The following ZFHX4 variants were observed in gnomAD, a reference collection of about 807,000 sequenced individuals.
ZFHX4 encodes zinc finger homeobox 4.
Under a neutral mutation model 267.6 loss-of-function variants are expected in ZFHX4, and 56 were observed. The observed-to-expected ratio is 0.21, with a 90% CI of 0.17 to 0.26. The LOEUF is 0.26. ZFHX4 is among the 10% of genes least tolerant of loss of function. The pLI is 1.00. For synonymous variants in ZFHX4, 1,778 were observed against 1,665.6 expected (o/e 1.07, Z -1.64); for missense variants, 4,332 against 4,420.0 (o/e 0.98, Z 0.56).
chr8:76,817,269 G>A (rs1160350589), intron 4 of ZFHX4, among the ~76,000 whole-genome samples: 2 of 152,206 alleles, frequency 1.3e-5, no homozygotes, highest in African/African-American at 4.8e-5. Flanking sequence ...AAGTACTATT[G>A]GTACTTGCTC....
At chr8:76,850,390 G>T in intron 9 of ZFHX4, 28 bp downstream of exon 9, 4 of 1,552,544 alleles carry the variant, frequency 2.6e-6, no homozygotes, top group Non-Finnish European at 3.5e-6. Context: ...CAAGACTTGT[G>T]AACAATACGC....
intron 5 of ZFHX4, among the ~76,000 whole-genome samples, chr8:76,835,227 A>ATGTATATATATG (rs1370836150): frequency 1.7e-5 from 1 of 59,086 alleles, no homozygotes; most frequent in African/African-American, 9.3e-5. Flanking sequence ...ATGTATATAT[A>ATGTATATATATG]TATATATATA....
At chr8:76,838,163 G>T (rs1812141093) in intron 5 of ZFHX4, among the ~76,000 whole-genome samples, 1 of 152,152 alleles carries the variant, frequency 6.6e-6, no homozygotes, top group Non-Finnish European at 1.5e-5. Flanking sequence ...ACAAACAGTT[G>T]GGTTTCTTGA....
intron 1 of ZFHX4, among the ~76,000 whole-genome samples, chr8:76,694,534 A>G (rs1807903851): frequency 6.6e-6 from 1 of 152,114 alleles, no homozygotes. Flanking sequence ...GCCCATGTTG[A>G]ACGGAAGGGA....
rs1812716908 is a variant in ZFHX4, at chr8:76,856,102, C to G, written c.9181C>G (p.Gln3061Glu). 2 of 1,613,974 alleles carry G rather than the reference C, an allele frequency of 1.2e-6. No homozygotes were observed. Among genetic ancestry groups the G allele is most frequent in the Admixed American group, 3.3e-5 (2 of 60,016 alleles). Residue 3061 changes from glutamine to glutamate, a missense_variant, in exon 10 of 11, where the codon CAG becomes GAG. Gln to Glu is a conservative substitution (Grantham distance 29, BLOSUM62 2). Transcript: ENST00000651372. ...GACCACGGTTCGGCAGCTGATGGCACAGCAAGAACTTGATCGTATAAAGAA... is the reference window on the plus strand; with the variant it reads ...GACCACGGTTCGGCAGCTGATGGCAGAGCAAGAACTTGATCGTATAAAGAA... Reference protein sequence around the residue: ...APTTVRQLMAQQELDRIKKAS... With the variant: ...APTTVRQLMAEQELDRIKKAS...
chr8:76,737,426 G>A (rs1809193868), intron 3 of ZFHX4, among the ~76,000 whole-genome samples: 1 of 152,236 alleles, frequency 6.6e-6, no homozygotes, highest in African/African-American at 2.4e-5. Context: ...TATAGACTAA[G>A]ACCATGATGT....
chr8:76,716,028 T>C (rs1012100147), intron 3 of ZFHX4, among the ~76,000 whole-genome samples: 3 of 152,206 alleles, frequency 2.0e-5, no homozygotes, highest in Non-Finnish European at 4.4e-5. Context: ...AATAAAATTA[T>C]TGGAATGCAG....
intron 3 of ZFHX4, among the ~76,000 whole-genome samples, chr8:76,775,047 A>C (rs1810368715): frequency 6.6e-6 from 1 of 152,200 alleles, no homozygotes; most frequent in Non-Finnish European, 1.5e-5. Context: ...TAAATAATTT[A>C]AAAATTGATT....
intron 1 of ZFHX4, 86 bp downstream of exon 1, chr8:76,681,706 A>G (rs1189573947): frequency 1.6e-5 from 6 of 365,902 alleles, no homozygotes; most frequent in Non-Finnish European, 2.9e-5. Context: ...ATCTTGCACA[A>G]TCTTTGATAT....
At chr8:76,815,726 A>C (rs145370017) in intron 4 of ZFHX4, among the ~76,000 whole-genome samples, 5 of 152,014 alleles carry the variant, frequency 3.3e-5, no homozygotes, top group Admixed American at 1.3e-4. Flanking sequence ...TTCTTGAACT[A>C]CTGGGCTCCA....
At chr8:76,828,765 T>A (rs567069508) in intron 4 of ZFHX4, among the ~76,000 whole-genome samples, 2 of 151,924 alleles carry the variant, frequency 1.3e-5, no homozygotes, top group South Asian at 2.1e-4. Flanking sequence ...TTATGCAATT[T>A]AAAAAAAAGT....
At chr8:76,842,527 C>A in intron 5 of ZFHX4, 128 bp from the exon 6 acceptor site, 1 of 628,688 alleles carries the variant, frequency 1.6e-6, no homozygotes, top group Non-Finnish European at 2.7e-6. Flanking sequence ...AATTTGTGTT[C>A]TCATTTGAGT....
intron 9 of ZFHX4, 36 bp downstream of exon 9, chr8:76,850,398 C>T (rs777613104): frequency 4.4e-5 from 66 of 1,502,528 alleles, no homozygotes; most frequent in South Asian, 3.7e-4. Context: ...GTGAACAATA[C>T]GCTTAGGGGC....
intron 4 of ZFHX4, among the ~76,000 whole-genome samples, chr8:76,782,438 AGC>A (rs1388087978): frequency 6.6e-6 from 1 of 152,048 alleles, no homozygotes; most frequent in Non-Finnish European, 1.5e-5. Context: ...ATTTAAAGAT[AGC>A]AATGCAGTAG....
rs1808202208 is a variant in ZFHX4, at chr8:76,704,771, G to A, written c.683G>A (p.Arg228His). The A allele has an allele frequency of 7.4e-6, 12 of 1,614,002 alleles. No homozygotes were observed. Among genetic ancestry groups the A allele is most frequent in the Non-Finnish European group, 1.0e-5 (12 of 1,179,912 alleles). The change falls in exon 2 of 11, where the codon CGT (arginine) becomes CAT (histidine). Residue 228 changes from arginine to histidine, a missense_variant. Arg to His is a conservative substitution (Grantham distance 29). Around this residue, in one of 7 missense-constraint regions of ZFHX4, gnomAD observed 1,195 missense variants for 1,173.6 expected, o/e 1.02. Coordinates refer to ENST00000651372, the MANE Select transcript of ZFHX4 (RefSeq NM_024721.5). ...AGVGPVLHSF[R>H]VYDLRHKREK... The stretch of plus-strand genomic sequence containing the variant: ...GTTGGTCCTGTGTTGCACAGTTTCC[G>A]TGTCTATGATCTCCGACACAAGAGA...
intron 5 of ZFHX4, among the ~76,000 whole-genome samples, chr8:76,841,858 C>T (rs998422882): frequency 2.6e-5 from 4 of 152,214 alleles, no homozygotes; most frequent in South Asian, 2.1e-4. Context: ...GACAAATGAT[C>T]GCAGGATGAA....
At chr8:76,734,465 G>A (rs1357839653) in intron 3 of ZFHX4, among the ~76,000 whole-genome samples, 1 of 152,038 alleles carries the variant, frequency 6.6e-6, no homozygotes, top group Non-Finnish European at 1.5e-5. Context: ...TTTTTCTTTA[G>A]CGTAATTTGC....
In ZFHX4 at chr8:76,864,765, T is replaced by A. The variant is rs964964097; in HGVS notation, c.*200T>A. 14 of 428,118 alleles carry A rather than the reference T, an allele frequency of 3.3e-5. No individual in the cohort carries two copies. Among genetic ancestry groups the A allele is most frequent in the Non-Finnish European group, 5.8e-5 (14 of 240,890 alleles). The allele number at this position is 428,118 out of a possible 1,614,324, so 26.5% of individuals were successfully genotyped here. ...GACAGAACTGATGCAGATGGTTGAA[T>A]GCGCTTGTACTATATGCTAAAATAT... On this transcript the variant is annotated 3_prime_UTR_variant, in exon 11 of 11. Coordinates refer to ENST00000651372, the MANE Select transcript of ZFHX4 (RefSeq NM_024721.5).
chr8:76,850,810 T>C, intron 9 of ZFHX4, 76 bp from the exon 10 acceptor site: 1 of 1,369,718 alleles, frequency 7.3e-7, no homozygotes, highest in Non-Finnish European at 9.7e-7. Flanking sequence ...TAGAGGCTAC[T>C]ATTTATAATA....
Sources: allele counts gnomAD v4.1 joint callset (sites outside exome capture counted in the v4.1 genomes callset), GRCh38; gene constraint gnomAD v4.1.1; regional missense constraint gnomAD v4.1.1; transcripts MANE v1.5; gene names NCBI Gene and HGNC (gene_info 2026-07-23, HGNC 2026-07-21).